Variants in COL6A1 observed in about 807,000 individuals in gnomAD.
COL6A1 encodes the protein collagen alpha-1(VI) chain.
COL6A1 carries 80 observed loss-of-function variants against 145.6 expected under a neutral mutation model. That is an observed-to-expected ratio of 0.55 (90% confidence interval 0.46 to 0.66). The LOEUF is 0.66. Among genes scored for constraint, COL6A1 ranks in the 30% least tolerant of loss-of-function variants. The pLI is 0.00. For missense variants in COL6A1, 1,364 were observed against 1,473.8 expected (o/e 0.93, Z 1.22); for synonymous variants, 638 against 622.8 (o/e 1.02, Z -0.36).
chr21:45,997,781 G>T lies in COL6A1; in HGVS notation c.1524+19G>T, dbSNP rs2276256. On this transcript the variant is annotated intron_variant, in intron 22 of 34. Transcript: ENST00000361866. ...TGAAAGGGTGAGTGTCCAACAGCTC[G>T]GGCCCTAGGGCGGAGGCCTGGCCGC... 1.9e-6 allele frequency: 3 copies of T among 1,569,858 alleles called. No individual in the cohort carries two copies. The highest frequency in any genetic ancestry group is 3.7e-5 in the Admixed American group (2 of 54,146).
At chr21:45,982,162 G>T (rs1466206489) in intron 1 of COL6A1, among the ~76,000 whole-genome samples, 2 of 148,586 alleles carry the variant, frequency 1.3e-5, no homozygotes, top group African/African-American at 5.1e-5. Flanking sequence ...CATTCTCAGC[G>T]GGGCCGGACC....
In COL6A1 at chr21:45,989,586, A is replaced by G. The variant is rs398123642; in HGVS notation, c.859-22A>G. The stretch of plus-strand genomic sequence containing the variant: ...GCCCCTGCTCCTCCGGGGGTGTCTC[A>G]CCATCTCCTCCTGTGTTCCAGGGAA... On this transcript the variant is annotated intron_variant, in intron 9 of 34. Coordinates refer to ENST00000361866, the MANE Select transcript of COL6A1 (RefSeq NM_001848.3). 1 of 1,611,930 alleles carries G rather than the reference A, an allele frequency of 6.2e-7. No individual in the cohort carries two copies. The highest frequency in any genetic ancestry group is 8.5e-7 in the Non-Finnish European group (1 of 1,179,542).
rs777828224 is a variant in COL6A1, at chr21:46,002,341, G to A, written c.2190G>A (p.Gly730=). The A allele has an allele frequency of 5.7e-6, 9 of 1,591,434 alleles. No homozygotes were observed. In the Admixed American group the frequency reaches 1.6e-4, roughly 28 times the overall value. The part of the protein sequence containing the change: ...NNRIALVITD[G]RSDTQRDTTP... ...GCATCGCCCTGGTCATCACTGACGG[G>A]CGCTCAGACACTCAGAGGGACACCA... The change falls in exon 32 of 35, where the codon GGG becomes GGA. Residue 730 remains glycine, a synonymous_variant. Transcript: ENST00000361866.
intron 9 of COL6A1, 61 bp downstream of exon 9, chr21:45,989,198 T>G: frequency 6.5e-7 from 1 of 1,528,412 alleles, no homozygotes. Context: ...CGACTAGGCC[T>G]CGGAAACTTC....
chr21:45,985,165 AACAT>A (rs1480383478), intron 3 of COL6A1, among the ~76,000 whole-genome samples: 1 of 118,222 alleles, frequency 8.5e-6, no homozygotes, highest in African/African-American at 2.7e-5. Flanking sequence ...CAGAGACAGA[AACAT>A]ACAGAGACAG....
chr21:45,999,872 T>TGG (rs1351128882), intron 27 of COL6A1, among the ~76,000 whole-genome samples, 180 bp downstream of exon 27: 4 of 53,722 alleles, frequency 7.4e-5, no homozygotes, highest in Non-Finnish European at 1.1e-4. Context: ...GTGAGGATCA[T>TGG]AGGGGGATGT....
At chr21:45,982,500 C>A in intron 1 of COL6A1, 134 bp from the exon 2 acceptor site, 8 of 1,308,666 alleles carry the variant, frequency 6.1e-6, no homozygotes, top group Non-Finnish European at 8.6e-6. Flanking sequence ...CGTCCTGCTG[C>A]CTTTTCCCGG....
intron 1 of COL6A1, 132 bp downstream of exon 1, chr21:45,982,079 G>A (rs550133846): frequency 9.2e-6 from 7 of 764,566 alleles, no homozygotes; most frequent in Admixed American, 6.8e-5. Context: ...CCCACTCCCC[G>A]CTCGGGGCGG....
chr21:45,998,235 G>A (rs1263194830), intron 23 of COL6A1, 64 bp downstream of exon 23: 13 of 1,592,876 alleles, frequency 8.2e-6, no homozygotes, highest in Admixed American at 6.9e-5. Flanking sequence ...CCTCTTTAGT[G>A]GACTGGGCAC....
At chr21:46,000,116 G>A (rs1301500275) in intron 27 of COL6A1, among the ~76,000 whole-genome samples, 1 of 149,666 alleles carries the variant, frequency 6.7e-6, no homozygotes, top group Admixed American at 6.6e-5. Context: ...CGGCCACGGG[G>A]AGACCCATGA....
At chr21:45,991,180 G>T in intron 15 of COL6A1, 139 bp downstream of exon 15, 1 of 945,754 alleles carries the variant, frequency 1.1e-6, no homozygotes, top group South Asian at 1.4e-5. Flanking sequence ...GCTGGTGGAG[G>T]CTGGAGGCAG....
intron 15 of COL6A1, among the ~76,000 whole-genome samples, chr21:45,991,677 C>T (rs2077777907): frequency 6.6e-6 from 1 of 152,170 alleles, no homozygotes; most frequent in Non-Finnish European, 1.5e-5. Context: ...CAAATCTCAT[C>T]TTCAAGTTCC....
chr21:46,002,811 G>C, intron 33 of COL6A1, 101 bp downstream of exon 33: 1 of 1,389,690 alleles, frequency 7.2e-7, no homozygotes, highest in Non-Finnish European at 9.9e-7. Flanking sequence ...GGCCGCCCGG[G>C]CAGTCCCAGA....
In COL6A1 at chr21:45,989,788, G is replaced by A. The variant is rs772379034; in HGVS notation, c.930+10G>A. On this transcript the variant is annotated intron_variant, in intron 11 of 34. Transcript: ENST00000361866. ...GAGCCGTGGGGAGAAGGTGAGTGAGGCTCGACCTCGGAGCTGGTCTCTCCA... is the reference window on the plus strand; with the variant it reads ...GAGCCGTGGGGAGAAGGTGAGTGAGACTCGACCTCGGAGCTGGTCTCTCCA... The A allele has an allele frequency of 8.1e-6, 13 of 1,612,726 alleles. No individual in the cohort carries two copies. In the African/African-American group the frequency reaches 1.5e-4, roughly 18 times the overall value.
At chr21:45,990,953 G>A (rs776416184) in intron 14 of COL6A1, 26 bp from the exon 15 acceptor site, 3 of 1,613,280 alleles carry the variant, frequency 1.9e-6, no homozygotes, top group Non-Finnish European at 2.5e-6. Context: ...TCTGCCGGTG[G>A]TGTCATGCTG....
At chr21:45,997,846 G>T in intron 22 of COL6A1, 84 bp downstream of exon 22, 1 of 1,447,732 alleles carries the variant, frequency 6.9e-7, no homozygotes, top group Admixed American at 2.1e-5. Flanking sequence ...CTGTGGAGCT[G>T]CCTGGGGTCC....
intron 33 of COL6A1, 68 bp from the exon 34 acceptor site, chr21:46,003,052 G>A (rs2077858020): frequency 3.7e-6 from 6 of 1,611,428 alleles, no homozygotes; most frequent in Non-Finnish European, 4.2e-6. Flanking sequence ...GGGAGGTCCT[G>A]TGACATCTCC....
intron 20 of COL6A1, 24 bp from the exon 21 acceptor site, chr21:45,997,397 C>T (rs367871088): frequency 9.3e-6 from 15 of 1,611,154 alleles, no homozygotes; most frequent in East Asian, 8.9e-5. Flanking sequence ...TGTGGTCCAA[C>T]GTGCCATATC....
At chr21:45,983,369 G>C (rs987194578) in intron 2 of COL6A1, among the ~76,000 whole-genome samples, 1 of 151,598 alleles carries the variant, frequency 6.6e-6, no homozygotes, top group Non-Finnish European at 1.5e-5. Context: ...GAGGGGAGTC[G>C]GTCCTGTGGG....
Sources: gnomAD v4.1 joint callset for allele counts (sites outside exome capture counted in the v4.1 genomes callset) on GRCh38, gnomAD v4.1.1 for gene constraint, MANE v1.5 for transcripts, NCBI Gene and HGNC (gene_info 2026-07-23, HGNC 2026-07-21) for gene names.